The following PSPC1 variants were observed in gnomAD, a reference collection of about 807,000 sequenced individuals.
PSPC1 encodes paraspeckle component 1.
Under a neutral mutation model 51.6 loss-of-function variants are expected in PSPC1, and 14 were observed. The observed-to-expected ratio is 0.27, with a 90% CI of 0.18 to 0.42. PSPC1 has a LOEUF of 0.42. PSPC1 is among the 10% of genes least tolerant of loss of function. The probability of loss-of-function intolerance (pLI) is 1.00; values close to 1 mark genes in which losing one functional copy is unlikely to be tolerated. For missense variants in PSPC1, 406 were observed against 701.1 expected, an observed-to-expected ratio of 0.58 and a Z score of 4.75; for synonymous variants, 193 against 231.9, an observed-to-expected ratio of 0.83 and a Z score of 1.53.
chr13:19,774,050 TATA>T (rs1888866278), intron 1 of PSPC1, among the ~76,000 whole-genome samples: 1 of 152,178 alleles, frequency 6.6e-6, no homozygotes, highest in Non-Finnish European at 1.5e-5. Context: ...ATTCACGAGC[TATA>T]ATAGTTCTCG....
At chr13:19,750,458 A>AC (rs1886424059) in intron 4 of PSPC1, among the ~76,000 whole-genome samples, 2 of 58,066 alleles carry the variant, frequency 3.4e-5, no homozygotes, top group Non-Finnish European at 1.2e-4. Flanking sequence ...AAACAAACAA[A>AC]AATATATATA....
At chr13:19,764,046 G>A (rs1051104286) in intron 2 of PSPC1, among the ~76,000 whole-genome samples, 2 of 152,020 alleles carry the variant, frequency 1.3e-5, no homozygotes, top group African/African-American at 4.8e-5. Context: ...GTAAGAGAGA[G>A]AAAAAGTATT....
At chr13:19,716,845 A>C (rs1015497781) in intron 6 of PSPC1, among the ~76,000 whole-genome samples, 1 of 152,226 alleles carries the variant, frequency 6.6e-6, no homozygotes. Flanking sequence ...AGAAGGTTAC[A>C]TAACAGAACA....
At chr13:19,700,458 TAAA>T (rs1184540834), downstream of PSPC1, among the ~76,000 whole-genome samples, 1 of 151,340 alleles carries the variant, frequency 6.6e-6, no homozygotes, top group Non-Finnish European at 1.5e-5. Context: ...CACAGAAAAA[TAAA>T]AAAAACCTCA....
At chr13:19,744,103 C>T (rs931997798) in intron 4 of PSPC1, among the ~76,000 whole-genome samples, 1 of 152,074 alleles carries the variant, frequency 6.6e-6, no homozygotes, top group African/African-American at 2.4e-5. Flanking sequence ...AGCGAAACTC[C>T]ATCTCAAAAA....
intron 1 of PSPC1, among the ~76,000 whole-genome samples, chr13:19,774,805 CA>C (rs748014285): frequency 1.3e-3 from 75 of 56,162 alleles, no homozygotes; most frequent in Admixed American, 1.7e-3. Context: ...ACTCTGTGTC[CA>C]AAAAAAAAAA....
chr13:19,682,896 TCTCACTAAAAAAA>T (rs1877435547), intron 6 of PSPC1, among the ~76,000 whole-genome samples: 1 of 150,746 alleles, frequency 6.6e-6, no homozygotes, highest in African/African-American at 2.4e-5. Context: ...AGACCCTGTC[TCTCACTAAAAAAA>T]AAAAATAAAT....
chr13:19,746,058 TG>T (rs1424804436), intron 4 of PSPC1, among the ~76,000 whole-genome samples: 2 of 145,638 alleles, frequency 1.4e-5, no homozygotes, highest in Non-Finnish European at 3.0e-5. Context: ...CAGGCTGGAG[TG>T]CGGTGGTGCG....
chr13:19,776,590 C>T (rs1193283085), intron 1 of PSPC1, among the ~76,000 whole-genome samples: 2 of 151,854 alleles, frequency 1.3e-5, no homozygotes, highest in South Asian at 2.1e-4. Flanking sequence ...TCACTGCAAG[C>T]TCCGCCTCCT....
At chr13:19,739,399 A>T (rs979187429) in intron 5 of PSPC1, among the ~76,000 whole-genome samples, 1 of 152,234 alleles carries the variant, frequency 6.6e-6, no homozygotes, top group Non-Finnish European at 1.5e-5. Flanking sequence ...AAAAAGCTAG[A>T]TTCAGGTAAG....
intron 6 of PSPC1, among the ~76,000 whole-genome samples, chr13:19,696,532 C>T (rs1215331767): frequency 1.3e-5 from 2 of 151,754 alleles, no homozygotes; most frequent in South Asian, 2.1e-4. Context: ...CACACACACA[C>T]ATATCTGACG....
intron 1 of PSPC1, among the ~76,000 whole-genome samples, chr13:19,781,580 T>C (rs776802664): frequency 4.6e-5 from 7 of 152,108 alleles, no homozygotes; most frequent in African/African-American, 1.7e-4. Context: ...CTATATTAGA[T>C]ACATACAATT....
intron 1 of PSPC1, among the ~76,000 whole-genome samples, chr13:19,777,582 CATT>C (rs1448502994): frequency 6.6e-6 from 1 of 151,990 alleles, no homozygotes; most frequent in Non-Finnish European, 1.5e-5. Context: ...TTCCATATTT[CATT>C]ATTATTAATA....
chr13:19,727,372 C>A (rs1458231018), intron 6 of PSPC1, among the ~76,000 whole-genome samples: 2 of 151,130 alleles, frequency 1.3e-5, no homozygotes, highest in African/African-American at 4.9e-5. Context: ...CCAGCCTGAA[C>A]GACAAGAGTG....
At chr13:19,690,659 A>C (rs187385417) in intron 6 of PSPC1, among the ~76,000 whole-genome samples, 1 of 152,308 alleles carries the variant, frequency 6.6e-6, no homozygotes, top group East Asian at 1.9e-4. Context: ...GCCAATCAAT[A>C]CAAAGAACAT....
chr13:19,713,398 T>C (rs566646861), intron 6 of PSPC1, among the ~76,000 whole-genome samples: 6 of 151,984 alleles, frequency 3.9e-5, no homozygotes, highest in African/African-American at 1.2e-4. Flanking sequence ...CACAAAGCTG[T>C]TGAATAACTT....
chr13:19,722,448 T>C lies in PSPC1; in HGVS notation c.1158+7791A>G, dbSNP rs553505812. Among the ~76,000 whole-genome samples the C allele has an allele frequency of 2.0e-5, 3 of 151,488 alleles. No individual in the cohort carries two copies. The East Asian group carries it at 5.9e-4, about 30-fold the overall frequency. On this transcript the variant is annotated intron_variant, in intron 6 of 8. Coordinates refer to ENST00000338910, the MANE Select transcript of PSPC1 (RefSeq NM_001354909.2). The stretch of plus-strand genomic sequence containing the variant: ...TGAGGAGTTCAAGGTCACAGGGCGC[T>C]ATGATCGTGCCACTGAACTCCAGTC...
chr13:19,749,684 G>A (rs1367782450), intron 4 of PSPC1, among the ~76,000 whole-genome samples: 5 of 149,234 alleles, frequency 3.4e-5, no homozygotes, highest in African/African-American at 9.9e-5. Flanking sequence ...TGTCGCCCAG[G>A]CTGGAGTGCA....
downstream of PSPC1, among the ~76,000 whole-genome samples, chr13:19,697,649 T>A (rs1173420015): frequency 6.6e-6 from 1 of 152,156 alleles, no homozygotes; most frequent in African/African-American, 2.4e-5. Context: ...AGAATTAACA[T>A]ACAGTGATTA....
Sources: allele counts gnomAD v4.1 joint callset (sites outside exome capture counted in the v4.1 genomes callset), GRCh38; gene constraint gnomAD v4.1.1; transcripts MANE v1.5; gene names NCBI Gene and HGNC (gene_info 2026-07-23, HGNC 2026-07-21).